Variants in DENND5B observed in about 807,000 individuals in gnomAD.
DENND5B encodes the protein DENN domain-containing protein 5B.
A neutral mutation model predicts 140.6 loss-of-function variants in DENND5B; 34 were observed. The observed-to-expected ratio is 0.24, with a 90% CI of 0.18 to 0.32. The LOEUF (loss-of-function observed/expected upper bound fraction) is 0.32, where lower values mean the gene tolerates loss of function less well. Ranked by LOEUF, DENND5B falls within the 10% of genes least tolerant of loss-of-function variation. DENND5B has a pLI of 1.00. For missense variants in DENND5B, 1,142 were observed against 1,560.2 expected, an observed-to-expected ratio of 0.73 and a Z score of 4.52; for synonymous variants, 551 against 562.1, an observed-to-expected ratio of 0.98 and a Z score of 0.28.
intron 8 of DENND5B, chr12:31,432,266 G>A: frequency 4.1e-6 from 1 of 243,794 alleles, no homozygotes; most frequent in Non-Finnish European, 6.5e-6. Context: ...AGAGAGGGAA[G>A]GGAAGAAAAT....
intron 1 of DENND5B, among the ~76,000 whole-genome samples, chr12:31,525,944 G>A (rs1158527450): frequency 2.0e-5 from 3 of 152,194 alleles, no homozygotes; most frequent in African/African-American, 7.2e-5. Context: ...AGTGAGCTGA[G>A]ATTGCACCAT....
At chr12:31,549,181 T>A (rs547050426) in intron 1 of DENND5B, among the ~76,000 whole-genome samples, 27 of 152,196 alleles carry the variant, frequency 1.8e-4, no homozygotes, top group Non-Finnish European at 3.2e-4. Context: ...ATTACAGGCA[T>A]GAGCCACCAT....
chr12:31,507,118 G>T (rs553819656), intron 1 of DENND5B, among the ~76,000 whole-genome samples: 1 of 151,932 alleles, frequency 6.6e-6, no homozygotes, highest in Non-Finnish European at 1.5e-5. Context: ...CATTCCCGTC[G>T]TCACTCAGGA....
intron 13 of DENND5B, among the ~76,000 whole-genome samples, chr12:31,410,872 A>G (rs1161255765): frequency 6.6e-6 from 1 of 152,162 alleles, no homozygotes; most frequent in Non-Finnish European, 1.5e-5. Context: ...CTGTTAAGCT[A>G]ATAAAAAGGA....
In DENND5B at chr12:31,402,543, T is replaced by G; in HGVS notation, c.2904A>C (p.Thr968=). Residue 968 remains threonine, a synonymous_variant, in exon 15 of 21, where the codon ACA becomes ACC. Coordinates refer to ENST00000389082, the MANE Select transcript of DENND5B (RefSeq NM_144973.4). The stretch of plus-strand genomic sequence containing the variant: ...GGTTTTTGGGAATCTGCATTACTCC[T>G]GTGTCTCCCAGCTCTCCTGATACAC... ...WICVSGELGD[T]GVMQIPKNLL... The G allele has an allele frequency of 6.2e-7, 1 of 1,613,820 alleles. No individual in the cohort carries two copies. The highest frequency in any genetic ancestry group is 8.5e-7 in the Non-Finnish European group (1 of 1,179,814).
intron 1 of DENND5B, among the ~76,000 whole-genome samples, chr12:31,557,153 A>G (rs1949313928): frequency 6.6e-6 from 1 of 152,236 alleles, no homozygotes; most frequent in Admixed American, 6.5e-5. Context: ...ACTACATATG[A>G]TTAGTAAGAC....
At chr12:31,501,754 C>T (rs1265785754) in intron 1 of DENND5B, among the ~76,000 whole-genome samples, 1 of 108,154 alleles carries the variant, frequency 9.2e-6, no homozygotes, top group African/African-American at 3.6e-5. Flanking sequence ...GCCTGGGCAA[C>T]AAGAGCAAAA....
intron 2 of DENND5B, among the ~76,000 whole-genome samples, chr12:31,486,923 C>A (rs551687657): frequency 7.2e-5 from 11 of 152,170 alleles, no homozygotes; most frequent in Non-Finnish European, 1.2e-4. Flanking sequence ...ATACACATTA[C>A]TAGTATTGTA....
intron 1 of DENND5B, among the ~76,000 whole-genome samples, chr12:31,507,838 T>C (rs1168216417): frequency 2.0e-5 from 3 of 152,218 alleles, no homozygotes; most frequent in African/African-American, 7.2e-5. Context: ...GCTGGTCTAG[T>C]AGCCTAGTGC....
chr12:31,388,639 T>TA (rs902917916), intron 20 of DENND5B, among the ~76,000 whole-genome samples: 27 of 152,164 alleles, frequency 1.8e-4, no homozygotes, highest in African/African-American at 6.3e-4. Flanking sequence ...ATGGGTAACT[T>TA]AAAAAAAGAA....
At chr12:31,545,082 T>C (rs1467633632) in intron 1 of DENND5B, among the ~76,000 whole-genome samples, 2 of 152,160 alleles carry the variant, frequency 1.3e-5, no homozygotes, top group Non-Finnish European at 2.9e-5. Flanking sequence ...AGTCCATTCA[T>C]AATAAACTAA....
At chr12:31,485,238 C>T (rs1423948144) in intron 2 of DENND5B, among the ~76,000 whole-genome samples, 2 of 152,200 alleles carry the variant, frequency 1.3e-5, no homozygotes, top group East Asian at 1.9e-4. Flanking sequence ...AAAAGTTTAA[C>T]GAATTGGGCT....
chr12:31,470,575 C>T (rs564226180), intron 3 of DENND5B, among the ~76,000 whole-genome samples: 2 of 152,258 alleles, frequency 1.3e-5, no homozygotes, highest in South Asian at 4.1e-4. Flanking sequence ...ATAAATTAAC[C>T]AGCCTCAGGT....
intron 2 of DENND5B, among the ~76,000 whole-genome samples, chr12:31,486,910 A>C (rs1352539905): frequency 6.6e-6 from 1 of 152,218 alleles, no homozygotes; most frequent in Non-Finnish European, 1.5e-5. Context: ...ACATTATATA[A>C]ACATACACAT....
chr12:31,590,954 T>C lies in DENND5B; in HGVS notation c.-122A>G, dbSNP rs1274427062. ...CCCTAGGGCGACACTGGCGCGCCCATGGCCGCGCAGCCGCCTCTCGCCGCC... is the reference window on the plus strand; with the variant it reads ...CCCTAGGGCGACACTGGCGCGCCCACGGCCGCGCAGCCGCCTCTCGCCGCC... On this transcript the variant is annotated 5_prime_UTR_variant, in exon 1 of 21. The change abolishes an upstream ATG in the 5' untranslated region. Coordinates refer to ENST00000389082, the MANE Select transcript of DENND5B (RefSeq NM_144973.4). 3.8e-6 allele frequency: 4 copies of C among 1,053,896 alleles called. No individual in the cohort carries two copies. Among genetic ancestry groups the C allele is most frequent in the Non-Finnish European group, 4.6e-6 (4 of 863,468 alleles). 65.3% of individuals were successfully genotyped at this position (1,053,896 alleles called of 1,614,324 possible). A position where few individuals can be genotyped will look rare whatever the true frequency, so the allele number is the denominator to read the frequency against.
chr12:31,466,904 A>T (rs1198382887), intron 3 of DENND5B, among the ~76,000 whole-genome samples: 1 of 152,186 alleles, frequency 6.6e-6, no homozygotes, highest in Non-Finnish European at 1.5e-5. Context: ...ATCACACACC[A>T]AAGACAGAAA....
intron 1 of DENND5B, among the ~76,000 whole-genome samples, chr12:31,513,194 T>C (rs1015292573): frequency 6.6e-6 from 1 of 152,238 alleles, no homozygotes; most frequent in African/African-American, 2.4e-5. Context: ...ACCACACAGG[T>C]AAAGTGCCAT....
chr12:31,404,375 C>T (rs1036503038), intron 14 of DENND5B, among the ~76,000 whole-genome samples: 2 of 152,212 alleles, frequency 1.3e-5, no homozygotes, highest in Non-Finnish European at 2.9e-5. Flanking sequence ...GTGTTCACTG[C>T]AGCCCTGATC....
In DENND5B at chr12:31,485,251, G is replaced by A. The variant is rs150524625; in HGVS notation, c.238-4996C>T. Among the ~76,000 whole-genome samples, 965 of 152,294 alleles carry A rather than the reference G, an allele frequency of 6.3e-3. 5 individuals are homozygous for A. The highest frequency in any genetic ancestry group is 0.022 in the African/African-American group (928 of 41,562). ...TCAAAAGTTTAACGAATTGGGCTAT[G>A]CAGTCATGCCTCATCCACCATGTTC... On this transcript the variant is annotated intron_variant, in intron 2 of 20. Coordinates refer to ENST00000389082, the MANE Select transcript of DENND5B (RefSeq NM_144973.4).
Sources: allele counts gnomAD v4.1 joint callset (sites outside exome capture counted in the v4.1 genomes callset), GRCh38; gene constraint gnomAD v4.1.1; transcripts MANE v1.5; gene names NCBI Gene and HGNC (gene_info 2026-07-23, HGNC 2026-07-21).